GLI1: variants seen among roughly 807,000 people sequenced by gnomAD.
GLI1 encodes the protein transcription activator GLI1.
In GLI1, 51 loss-of-function variants were observed where a neutral mutation model predicts 87.8. The ratio of observed to expected loss-of-function variants is 0.58; its 90% CI spans 0.46 to 0.73. GLI1 has a LOEUF of 0.73. Among genes scored for constraint, GLI1 ranks in the 30% least tolerant of loss-of-function variants. The pLI, the probability that GLI1 is intolerant of heterozygous loss-of-function variation, is 0.00. For synonymous variants in GLI1, 528 were observed against 558.2 expected (o/e 0.95, Z 0.76); for missense variants, 1,292 against 1,437.2 (o/e 0.90, Z 1.63).
At chr12:57,465,318 G>T in intron 5 of GLI1, 63 bp downstream of exon 5, 1 of 1,428,240 alleles carries the variant, frequency 7.0e-7, no homozygotes, top group Non-Finnish European at 9.6e-7. Flanking sequence ...GGTGGATTTT[G>T]TAGGGGAAAG....
At chr12:57,464,140 T>C in intron 3 of GLI1, 49 bp downstream of exon 3, 1 of 1,236,008 alleles carries the variant, frequency 8.1e-7, no homozygotes, top group Non-Finnish European at 1.2e-6. Context: ...CTCTGACTTG[T>C]TCTGAAAGAG....
chr12:57,469,350 T>C, intron 10 of GLI1, 81 bp from the exon 11 acceptor site: 1 of 1,437,150 alleles, frequency 7.0e-7, no homozygotes, highest in East Asian at 2.3e-5. Flanking sequence ...CAGCAGTCAC[T>C]GGGACACAGG....
At chr12:57,469,836 T>G in intron 11 of GLI1, 138 bp downstream of exon 11, 1 of 773,568 alleles carries the variant, frequency 1.3e-6, no homozygotes, top group South Asian at 1.8e-5. Context: ...CAAGACACTT[T>G]CCATTTATCA....
At position 57,471,908 on chromosome 12, in the gene GLI1, C is replaced by CCAGGGG; in HGVS notation, c.3170_3175dup (p.Gln1057_Gly1058dup). 6.2e-7 allele frequency: 1 copy of CCAGGGG among 1,611,620 alleles called. No homozygotes were observed. Among genetic ancestry groups the CCAGGGG allele is most frequent in the Non-Finnish European group, 8.5e-7 (1 of 1,178,688 alleles). ...ACTTTGTGGCTATTCTGGATGAGCC[C>CCAGGGG]CAGGGGCTGAGTCCTCCTCCTTCCC... On this transcript the variant is annotated inframe_insertion, in exon 12 of 12. Transcript: ENST00000228682. The surrounding 1 kb of genome is among the most constrained non-coding windows in gnomAD (Gnocchi z 4.9).
chr12:57,465,640 T>G lies in GLI1; in HGVS notation c.568T>G (p.Cys190Gly), dbSNP rs1281870068. Reference sequence around the variant, plus strand: ...TGAGCTGGACATGCTGGTTGGCAAGTGCCGGGAGGAACCCTTGGAAGGTGA... The same window carrying G: ...TGAGCTGGACATGCTGGTTGGCAAGGGCCGGGAGGAACCCTTGGAAGGTGA... ...KSELDMLVGKCREEPLEGDMS... is the reference protein window; with the variant it reads ...KSELDMLVGKGREEPLEGDMS... Residue 190 changes from cysteine (C) to glycine (G), a missense_variant, in exon 6 of 12, where the codon TGC becomes GGC. Cys to Gly is a radical substitution (Grantham distance 159). Transcript: ENST00000228682. 2 of 1,614,164 alleles carry G rather than the reference T, an allele frequency of 1.2e-6. No individual in the cohort carries two copies. Among genetic ancestry groups the G allele is most frequent in the Admixed American group, 1.7e-5 (1 of 60,020 alleles).
chr12:57,467,308 C>T lies in GLI1; in HGVS notation c.913-25C>T, dbSNP rs767616101. The T allele has an allele frequency of 3.2e-6, 5 of 1,584,514 alleles. No individual in the cohort carries two copies. The Admixed American group carries it at 8.5e-5, about 27-fold the overall frequency. ...TCCATGTCCTCTGTCTGAGAACTATCCTTTGACCCCTGCATGTCCCCCAGT... is the reference window on the plus strand; with the variant it reads ...TCCATGTCCTCTGTCTGAGAACTATTCTTTGACCCCTGCATGTCCCCCAGT... On this transcript the variant is annotated intron_variant, in intron 8 of 11. Coordinates refer to ENST00000228682, the MANE Select transcript of GLI1 (RefSeq NM_005269.3).
intron 1 of GLI1, among the ~76,000 whole-genome samples, chr12:57,462,468 C>A (rs1434244478): frequency 2.6e-5 from 4 of 152,126 alleles, no homozygotes; most frequent in African/African-American, 9.6e-5. Context: ...CGCCCCACCC[C>A]ACCCTCATTC....
At position 57,463,782 on chromosome 12, in the gene GLI1, G is replaced by A; in HGVS notation, c.91G>A (p.Gly31Arg). Residue 31 changes from glycine to arginine, a missense_variant, in exon 2 of 12, where the codon GGG becomes AGG. By Grantham distance (125) the Gly-to-Arg change is moderately radical. This residue lies in a region of GLI1 where 383 missense variants were observed against 368.4 expected (regional missense o/e 1.04). Transcript: ENST00000228682. Reference sequence around the variant, plus strand: ...CCCCAGTCAGGGGGCCCCCAGTGTGGGGACAGAAGGTCAGTGTATATACCA... The same window carrying A: ...CCCCAGTCAGGGGGCCCCCAGTGTGAGGACAGAAGGTCAGTGTATATACCA... Reference protein sequence around the residue: ...PLPSQGAPSVGTEGLSGPPFC... With the variant: ...PLPSQGAPSVRTEGLSGPPFC... The A allele has an allele frequency of 6.3e-7, 1 of 1,585,758 alleles. No homozygotes were observed. Among genetic ancestry groups the A allele is most frequent in the Non-Finnish European group, 8.6e-7 (1 of 1,159,296 alleles).
At chr12:57,466,509 A>ATTTT in intron 8 of GLI1, 120 bp downstream of exon 8, 1 of 682,084 alleles carries the variant, frequency 1.5e-6, no homozygotes, top group Non-Finnish European at 2.4e-6. Flanking sequence ...AATATTAAAA[A>ATTTT]TAATGTTTGT....
In GLI1 at chr12:57,471,833, A is replaced by G; in HGVS notation, c.3093A>G (p.Gly1031=). 1 of 1,567,966 alleles carries G rather than the reference A, an allele frequency of 6.4e-7. No homozygotes were observed. Among genetic ancestry groups the G allele is most frequent in the South Asian group, 1.2e-5 (1 of 83,278 alleles). ...GGPALYPPPE[G]QVCNPLDSLD... is the part of the protein sequence containing the mutation. ...CTGCCTTGTACCCTCCTCCCGAAGG[A>G]CAGGTATGTAACCCCCTGGACTCTC... is the stretch of plus-strand genomic sequence containing the variant. Residue 1031 remains glycine (G), a synonymous_variant, in exon 12 of 12, where the codon GGA becomes GGG. Transcript: ENST00000228682. The surrounding 1 kb of genome is among the most constrained non-coding windows in gnomAD (Gnocchi z 4.9).
intron 2 of GLI1, 69 bp downstream of exon 2, chr12:57,463,860 C>T (rs1163988886): frequency 9.2e-7 from 1 of 1,090,078 alleles, no homozygotes; most frequent in Non-Finnish European, 1.4e-6. Context: ...CACCCCCACC[C>T]CATGCCAGTT....
In GLI1 at chr12:57,471,482, C is replaced by A; in HGVS notation, c.2742C>A (p.Gly914=). Residue 914 remains glycine, a synonymous_variant, in exon 12 of 12, where the codon GGC becomes GGA. Transcript: ENST00000228682. This position sits in a 1 kb window ranked among gnomAD's most constrained non-coding sequence, Gnocchi z 4.9. ...AGGAGCTACTGTGGGAGGGTGGGGG[C>A]AGGGAAGATGCCCCCGCCCAGGAAC... ...SQQELLWEGG[G]REDAPAQEPS... 6.2e-7 allele frequency: 1 copy of A among 1,610,830 alleles called. No individual in the cohort carries two copies. The highest frequency in any genetic ancestry group is 1.1e-5 in the South Asian group (1 of 90,810).
Position 57,465,673 on chromosome 12 carries a change from A to G in GLI1, c.601A>G (p.Ser201Gly). The G allele has an allele frequency of 6.2e-7, 1 of 1,614,180 alleles. No homozygotes were observed. Among genetic ancestry groups the G allele is most frequent in the Non-Finnish European group, 8.5e-7 (1 of 1,179,976 alleles). Reference sequence around the variant, plus strand: ...GGAACCCTTGGAAGGTGATATGTCCAGCCCCAACTCCACAGGCATACAGGT... The same window carrying G: ...GGAACCCTTGGAAGGTGATATGTCCGGCCCCAACTCCACAGGCATACAGGT... ...REEPLEGDMS[S>G]PNSTGIQDPL... The change falls in exon 6 of 12, where the codon AGC (serine) becomes GGC (glycine). Residue 201 changes from serine to glycine, a missense_variant. Coordinates refer to ENST00000228682, the MANE Select transcript of GLI1 (RefSeq NM_005269.3).
chr12:57,465,992 G>A (rs934371882), intron 7 of GLI1, 67 bp downstream of exon 7: 6 of 1,465,148 alleles, frequency 4.1e-6, no homozygotes, highest in African/African-American at 1.4e-5. Flanking sequence ...GGGACATGGT[G>A]GAATCCGGCT....
intron 1 of GLI1, 106 bp from the exon 2 acceptor site, chr12:57,463,558 GA>G: frequency 1.4e-6 from 1 of 692,284 alleles, no homozygotes. Context: ...AGATGTCTTA[GA>G]GGGGTGGGGG....
In GLI1 at chr12:57,469,580, C is replaced by T; in HGVS notation, c.1458C>T (p.Cys486=). The T allele has an allele frequency of 6.2e-7, 1 of 1,614,192 alleles. No individual in the cohort carries two copies. Among genetic ancestry groups the T allele is most frequent in the South Asian group, 1.1e-5 (1 of 91,084 alleles). Residue 486 remains cysteine, a synonymous_variant, in exon 11 of 12, where the codon TGC becomes TGT. Coordinates refer to ENST00000228682, the MANE Select transcript of GLI1 (RefSeq NM_005269.3). The part of the protein sequence containing the change: ...EDLSSLDEGP[C]IAGTGLSTLR... ...TCTCCAGCTTGGACGAGGGACCTTG[C>T]ATTGCTGGCACTGGTCTGTCCACTC...
intron 8 of GLI1, among the ~76,000 whole-genome samples, chr12:57,466,735 T>C (rs1000458587): frequency 6.6e-6 from 1 of 151,940 alleles, no homozygotes; most frequent in African/African-American, 2.4e-5. Flanking sequence ...AAACCCTGTC[T>C]CTACTAAAAA....
In GLI1 at chr12:57,469,286, C is replaced by A. The variant is rs1004674746; in HGVS notation, c.1309-145C>A. ...CAAACGTCTCACATTCAGTTTGCTCCCCCATCTCTTACCTGCTTAGCCCTT... is the reference window on the plus strand; with the variant it reads ...CAAACGTCTCACATTCAGTTTGCTCACCCATCTCTTACCTGCTTAGCCCTT... On this transcript the variant is annotated intron_variant, in intron 10 of 11. Transcript: ENST00000228682. 6.7e-5 allele frequency: 48 copies of A among 711,764 alleles called. No individual in the cohort carries two copies. The Admixed American group carries it at 1.1e-3, about 17-fold the overall frequency. The allele number at this position is 711,764 out of a possible 1,614,324, so 44.1% of individuals were successfully genotyped here.
Position 57,470,341 on chromosome 12 carries a change from GC to G in GLI1, c.1607del (p.Pro536GlnfsTer77), listed in dbSNP as rs1871789555. ...HTGTTVSRRV[G>X]PPVSLERRSS... ...GGTACCACTGTGTCCCGCCGCGTGG[GC>G]CCCCCAGTCTCTCTTGAACGCCGCA... On this transcript the variant is annotated frameshift_variant, in exon 12 of 12. Transcript: ENST00000228682. LOFTEE classifies it high-confidence loss of function. The G allele has an allele frequency of 3.2e-6, 5 of 1,577,512 alleles. No individual in the cohort carries two copies. Among genetic ancestry groups the G allele is most frequent in the East Asian group, 2.2e-5 (1 of 44,516 alleles).
Sources: gnomAD v4.1 joint callset for allele counts (sites outside exome capture counted in the v4.1 genomes callset) on GRCh38, gnomAD v4.1.1 for gene constraint, gnomAD v4.1.1 regional missense constraint, Gnocchi (gnomAD v3.1) non-coding constraint, MANE v1.5 for transcripts, NCBI Gene and HGNC (gene_info 2026-07-23, HGNC 2026-07-21) for gene names.